IGSF3: variants seen among roughly 807,000 people sequenced by gnomAD.
IGSF3 encodes the protein immunoglobulin superfamily member 3.
IGSF3 carries 23 observed loss-of-function variants against 114.4 expected under a neutral mutation model. The observed-to-expected ratio is 0.20, with a 90% CI of 0.14 to 0.28. The LOEUF (loss-of-function observed/expected upper bound fraction) is 0.28. Among genes scored for constraint, IGSF3 ranks in the 10% least tolerant of loss-of-function variants. The pLI is 1.00. For missense variants in IGSF3, 1,172 were observed against 1,591.5 expected (o/e 0.74, Z 4.48); for synonymous variants, 571 against 645.2 (o/e 0.88, Z 1.74).
At chr1:116,646,346 G>T (rs1026069566) in intron 2 of IGSF3, among the ~76,000 whole-genome samples, 5 of 152,134 alleles carry the variant, frequency 3.3e-5, no homozygotes, top group African/African-American at 7.2e-5. Flanking sequence ...AGAATTGGGG[G>T]GGGTCCACAC....
chr1:116,580,008 G>A, intron 9 of IGSF3, 131 bp from the exon 10 acceptor site: 2 of 856,696 alleles, frequency 2.3e-6, no homozygotes, highest in Admixed American at 3.0e-5. Flanking sequence ...TATTGAAAAG[G>A]CATAGGCAGT....
intron 8 of IGSF3, among the ~76,000 whole-genome samples, chr1:116,586,417 C>T (rs1659846848): frequency 1.3e-5 from 2 of 151,256 alleles, no homozygotes; most frequent in Admixed American, 1.3e-4. Flanking sequence ...ATGTATTTTC[C>T]AAAAGCTCTG....
rs771705914 is a variant in IGSF3 at position 116,654,969 on chromosome 1, T to A, written c.43+11315A>T. ...GGTGGCACCGGGCATTGGTAACTCA[T>A]GGCTGTAAAGGAGAGCTGAGAACAA... On this transcript the variant is annotated intron_variant, in intron 2 of 10. Coordinates refer to ENST00000369486, the MANE Select transcript of IGSF3 (RefSeq NM_001007237.3). The surrounding 1 kb of genome is among the most constrained non-coding windows in gnomAD (Gnocchi z 4.4). 5.4e-4 allele frequency among the ~76,000 whole-genome samples: 82 copies of A among 152,256 alleles called. No homozygotes were observed. The highest frequency in any genetic ancestry group is 1.0e-3 in the Non-Finnish European group (71 of 68,030).
rs1359757280 is a variant in IGSF3, at chr1:116,650,495, G to C, written c.43+15789C>G. On this transcript the variant is annotated intron_variant, in intron 2 of 10. Coordinates refer to ENST00000369486, the MANE Select transcript of IGSF3 (RefSeq NM_001007237.3). The surrounding 1 kb of genome is among the most constrained non-coding windows in gnomAD (Gnocchi z 5.0). ...CCATGTCTAAATTACGGGCCTCCAG[G>C]ATGGGCTCAGCTCAATCAGCACGTA... Among the ~76,000 whole-genome samples, 1 of 152,162 alleles carries C rather than the reference G, an allele frequency of 6.6e-6. No individual in the cohort carries two copies. Among genetic ancestry groups the C allele is most frequent in the East Asian group, 1.9e-4 (1 of 5,194 alleles).
intron 2 of IGSF3, among the ~76,000 whole-genome samples, chr1:116,658,904 C>T (rs1333558455): frequency 6.6e-6 from 1 of 152,186 alleles, no homozygotes; most frequent in Non-Finnish European, 1.5e-5. Context: ...CCTTGGATGA[C>T]CTCTCCTAGA....
At position 116,618,654 on chromosome 1, in the gene IGSF3, G is replaced by A. The variant is rs2336258; in HGVS notation, c.44-2197C>T. 5.9e-5 allele frequency among the ~76,000 whole-genome samples: 9 copies of A among 152,272 alleles called. No homozygotes were observed. The highest frequency in any genetic ancestry group is 8.8e-5 in the Non-Finnish European group (6 of 68,026). On this transcript the variant is annotated intron_variant, in intron 2 of 10. Coordinates refer to ENST00000369486, the MANE Select transcript of IGSF3 (RefSeq NM_001007237.3). This position sits in a 1 kb window ranked among gnomAD's most constrained non-coding sequence, Gnocchi z 4.7. ...ATGTCCACACAAGAATGAAATTGCC[G>A]AATGATGCACTTCTTAAAACATGTC...
rs1433837964 is a variant in IGSF3 at position 116,661,377 on chromosome 1, G to C, written c.43+4907C>G. Among the ~76,000 whole-genome samples, 1 of 152,150 alleles carries C rather than the reference G, an allele frequency of 6.6e-6. No homozygotes were observed. Among genetic ancestry groups the C allele is most frequent in the Non-Finnish European group, 1.5e-5 (1 of 68,030 alleles). ...GACTACAGTAATGAACATGACAGAT[G>C]GTCTTCAAGAATTTTATACAGAAGG... is the stretch of plus-strand genomic sequence containing the variant. On this transcript the variant is annotated intron_variant, in intron 2 of 10. Coordinates refer to ENST00000369486, the MANE Select transcript of IGSF3 (RefSeq NM_001007237.3). This position sits in a 1 kb window ranked among gnomAD's most constrained non-coding sequence, Gnocchi z 4.0.
chr1:116,601,752 G>T (rs147106996), intron 6 of IGSF3, among the ~76,000 whole-genome samples: 17 of 152,198 alleles, frequency 1.1e-4, no homozygotes, highest in African/African-American at 4.1e-4. Context: ...TTTATGACAC[G>T]GAGGCCCATC....
rs1659790667 is a variant in IGSF3, at chr1:116,585,343, G to A, written c.2441-291C>T. Among the ~76,000 whole-genome samples, 1 of 152,166 alleles carries A rather than the reference G, an allele frequency of 6.6e-6. No individual in the cohort carries two copies. Among genetic ancestry groups the A allele is most frequent in the Non-Finnish European group, 1.5e-5 (1 of 68,034 alleles). On this transcript the variant is annotated intron_variant, in intron 8 of 10. Coordinates refer to ENST00000369486, the MANE Select transcript of IGSF3 (RefSeq NM_001007237.3). This position sits in a 1 kb window ranked among gnomAD's most constrained non-coding sequence, Gnocchi z 4.9. ...AGGACAAGCACAAGCTGTAGAGACT[G>A]CACATCCAAATGACAACGGACCACA...
rs572150270 is a variant in IGSF3, at chr1:116,606,713, C to T, written c.1222+1229G>A. 7.9e-5 allele frequency among the ~76,000 whole-genome samples: 12 copies of T among 152,150 alleles called. No homozygotes were observed. In the East Asian group the frequency reaches 1.7e-3, roughly 22 times the overall value. ...TAGTTGCAGATTTAAAAGTAGAGTC[C>T]GTGGTTAAGGCAAGCACAGACTGAC... On this transcript the variant is annotated intron_variant, in intron 5 of 10. Coordinates refer to ENST00000369486, the MANE Select transcript of IGSF3 (RefSeq NM_001007237.3).
At chr1:116,659,062 A>C (rs1372827422) in intron 2 of IGSF3, among the ~76,000 whole-genome samples, 4 of 152,252 alleles carry the variant, frequency 2.6e-5, no homozygotes, top group Non-Finnish European at 5.9e-5. Context: ...TTTAAAATAC[A>C]ACTGACCACT....
rs192547924 is a variant in IGSF3, at chr1:116,583,618, T to C, written c.2848+1027A>G. On this transcript the variant is annotated intron_variant, in intron 9 of 10. Coordinates refer to ENST00000369486, the MANE Select transcript of IGSF3 (RefSeq NM_001007237.3). The surrounding 1 kb of genome is among the most constrained non-coding windows in gnomAD (Gnocchi z 4.5). ...TAGTGCCCAAGGCCACAAATGTGAA[T>C]GTCAGGATGCTCAGAAAACAAACAA... Among the ~76,000 whole-genome samples the C allele has an allele frequency of 4.1e-4, 62 of 152,290 alleles. No homozygotes were observed. Among genetic ancestry groups the C allele is most frequent in the Middle Eastern group, 6.8e-3 (2 of 294 alleles).
At position 116,628,328 on chromosome 1, in the gene IGSF3, T is replaced by C. The variant is rs1476505594; in HGVS notation, c.44-11871A>G. Among the ~76,000 whole-genome samples the C allele has an allele frequency of 6.6e-6, 1 of 152,212 alleles. No individual in the cohort carries two copies. The highest frequency in any genetic ancestry group is 1.5e-5 in the Non-Finnish European group (1 of 68,042). Reference sequence around the variant, plus strand: ...TCCAAATACTCAGCTTACACATGCCTGTTGCTGCTGCACTCCCCACTGTGG... The same window carrying C: ...TCCAAATACTCAGCTTACACATGCCCGTTGCTGCTGCACTCCCCACTGTGG... On this transcript the variant is annotated intron_variant, in intron 2 of 10. Coordinates refer to ENST00000369486, the MANE Select transcript of IGSF3 (RefSeq NM_001007237.3). The surrounding 1 kb of genome is among the most constrained non-coding windows in gnomAD (Gnocchi z 4.2).
At chr1:116,652,210 TAA>T (rs1457756931) in intron 2 of IGSF3, among the ~76,000 whole-genome samples, 3 of 152,198 alleles carry the variant, frequency 2.0e-5, no homozygotes, top group Admixed American at 6.5e-5. Context: ...TTAAAATACT[TAA>T]GAGAACAAAC....
chr1:116,666,622 C>T lies in IGSF3; in HGVS notation c.-296G>A. On this transcript the variant is annotated 5_prime_UTR_variant, in exon 2 of 11. Transcript: ENST00000369486. ...TTGCAGTTTCCACTGAAATTGCAGACTGTAGTGGATTAATCCTCCAGAAGC... is the reference window on the plus strand; with the variant it reads ...TTGCAGTTTCCACTGAAATTGCAGATTGTAGTGGATTAATCCTCCAGAAGC... 1.7e-6 allele frequency: 1 copy of T among 593,996 alleles called. No individual in the cohort carries two copies. Among genetic ancestry groups the T allele is most frequent in the Non-Finnish European group, 3.0e-6 (1 of 335,060 alleles). The allele number at this position is 593,996 out of a possible 1,614,324, so 36.8% of individuals were successfully genotyped here.
rs887285455 is a variant in IGSF3 at position 116,585,411 on chromosome 1, G to T, written c.2441-359C>A. On this transcript the variant is annotated intron_variant, in intron 8 of 10. Transcript: ENST00000369486. This position sits in a 1 kb window ranked among gnomAD's most constrained non-coding sequence, Gnocchi z 4.9. ...GGGCAGGTGGCTGGGAAGGGCGGGG[G>T]AAGGGGATGGTGAGAAACCTCTGAA... 1.1e-4 allele frequency among the ~76,000 whole-genome samples: 16 copies of T among 152,158 alleles called. No individual in the cohort carries two copies. Among genetic ancestry groups the T allele is most frequent in the African/African-American group, 3.9e-4 (16 of 41,426 alleles).
rs1043051287 is a variant in IGSF3, at chr1:116,642,296, T to G, written c.43+23988A>C. Among the ~76,000 whole-genome samples the G allele has an allele frequency of 6.6e-6, 1 of 152,178 alleles. No homozygotes were observed. Among genetic ancestry groups the G allele is most frequent in the African/African-American group, 2.4e-5 (1 of 41,444 alleles). ...TATCCTTAAGTGGGTATTTTTTCCC[T>G]AAGTCTGAAATGACTTAGTAAGGAT... is the stretch of plus-strand genomic sequence containing the variant. On this transcript the variant is annotated intron_variant, in intron 2 of 10. Coordinates refer to ENST00000369486, the MANE Select transcript of IGSF3 (RefSeq NM_001007237.3). This position sits in a 1 kb window ranked among gnomAD's most constrained non-coding sequence, Gnocchi z 5.4.
At chr1:116,619,673 G>A (rs1190717771) in intron 2 of IGSF3, among the ~76,000 whole-genome samples, 1 of 151,998 alleles carries the variant, frequency 6.6e-6, no homozygotes, top group Admixed American at 6.6e-5. Context: ...CCTCCAAAGA[G>A]ACACAGGCTC....
At chr1:116,635,033 G>A (rs929171137) in intron 2 of IGSF3, among the ~76,000 whole-genome samples, 12 of 152,148 alleles carry the variant, frequency 7.9e-5, no homozygotes, top group African/African-American at 2.4e-4. Context: ...CCAGAACCAC[G>A]AGCCCAGCCC....
Sources: allele counts gnomAD v4.1 joint callset (sites outside exome capture counted in the v4.1 genomes callset), GRCh38; gene constraint gnomAD v4.1.1; non-coding constraint Gnocchi (gnomAD v3.1); transcripts MANE v1.5; gene names NCBI Gene and HGNC (gene_info 2026-07-23, HGNC 2026-07-21).